Variants in NKAIN2 observed in about 807,000 individuals in gnomAD.
The protein encoded by NKAIN2 is sodium/potassium-transporting ATPase subunit beta-1-interacting protein 2.
NKAIN2 carries 14 observed loss-of-function variants against 32.6 expected under a neutral mutation model. That is an observed-to-expected ratio of 0.43 (90% CI 0.28 to 0.67). The LOEUF (loss-of-function observed/expected upper bound fraction) is 0.67, where lower values mean the gene tolerates loss of function less well. NKAIN2 is among the 30% of genes least tolerant of loss of function. The pLI is 0.17. For missense variants in NKAIN2, 198 were observed against 258.3 expected, an observed-to-expected ratio of 0.77 and a Z score of 1.60; for synonymous variants, 80 against 87.2, an observed-to-expected ratio of 0.92 and a Z score of 0.46.
At chr6:123,982,048 C>A (rs1366230650) in intron 1 of NKAIN2, among the ~76,000 whole-genome samples, 2 of 151,992 alleles carry the variant, frequency 1.3e-5, no homozygotes, top group Admixed American at 1.3e-4. Flanking sequence ...TTAAGTCTAG[C>A]AAAAATATTA....
intron 3 of NKAIN2, among the ~76,000 whole-genome samples, chr6:124,487,599 T>C (rs929322266): frequency 2.0e-5 from 3 of 152,146 alleles, no homozygotes; most frequent in African/African-American, 7.2e-5. Flanking sequence ...ACAGCTGTAA[T>C]TGTTAGTAAC....
At chr6:124,533,196 C>A (rs1001404705) in intron 3 of NKAIN2, among the ~76,000 whole-genome samples, 3 of 152,012 alleles carry the variant, frequency 2.0e-5, no homozygotes, top group Non-Finnish European at 4.4e-5. Context: ...GAGGCAGGAG[C>A]CTCCTACTCT....
At chr6:124,418,329 A>G (rs938429373) in intron 3 of NKAIN2, among the ~76,000 whole-genome samples, 1 of 152,058 alleles carries the variant, frequency 6.6e-6, no homozygotes, top group African/African-American at 2.4e-5. Context: ...TGAACACAAA[A>G]TAATATTTTG....
At chr6:123,904,978 A>C (rs1582751164) in intron 1 of NKAIN2, among the ~76,000 whole-genome samples, 1 of 152,228 alleles carries the variant, frequency 6.6e-6, no homozygotes, top group East Asian at 1.9e-4. Context: ...CTGTTCATTT[A>C]TAGGTGAATA....
At chr6:124,127,406 C>T (rs1786227118) in intron 1 of NKAIN2, among the ~76,000 whole-genome samples, 1 of 152,142 alleles carries the variant, frequency 6.6e-6, no homozygotes, top group Non-Finnish European at 1.5e-5. Context: ...ATGGCCTTGA[C>T]TTTGAGGCCT....
chr6:124,665,007 G>T (rs1023008639), intron 4 of NKAIN2, among the ~76,000 whole-genome samples: 2 of 151,814 alleles, frequency 1.3e-5, no homozygotes, highest in Non-Finnish European at 2.9e-5. Context: ...AAATGTAGTA[G>T]GTCCCTTTAA....
Position 124,823,475 on chromosome 6 carries a change from CT to C in NKAIN2, c.*248del, listed in dbSNP as rs1388341141. On this transcript the variant is annotated 3_prime_UTR_variant, in exon 7 of 7. Coordinates refer to ENST00000368417, the MANE Select transcript of NKAIN2 (RefSeq NM_001040214.3). ...AGACAAATATGCAGGACACGCCCAT[CT>C]TGGATTTCCTGAAAGCAGGCCCCTT... 2 of 450,306 alleles carry C rather than the reference CT, an allele frequency of 4.4e-6. No individual in the cohort carries two copies. The highest frequency in any genetic ancestry group is 7.9e-6 in the Non-Finnish European group (2 of 251,832). The allele number at this position is 450,306 out of a possible 1,614,324, so 27.9% of individuals were successfully genotyped here. A position where few individuals can be genotyped will look rare whatever the true frequency, so the allele number is the denominator to read the frequency against.
chr6:124,607,308 G>A (rs1170579824), intron 3 of NKAIN2, among the ~76,000 whole-genome samples: 1 of 151,964 alleles, frequency 6.6e-6, no homozygotes, highest in Non-Finnish European at 1.5e-5. Context: ...TTCATGGATT[G>A]GGCAGCATCA....
At chr6:124,306,916 G>T (rs1796526309) in intron 2 of NKAIN2, among the ~76,000 whole-genome samples, 1 of 152,070 alleles carries the variant, frequency 6.6e-6, no homozygotes, top group South Asian at 2.1e-4. Context: ...CTTTCATTAA[G>T]AAAACGAGCT....
chr6:124,027,226 G>A (rs543385208), intron 1 of NKAIN2, among the ~76,000 whole-genome samples: 13 of 149,440 alleles, frequency 8.7e-5, no homozygotes, highest in Admixed American at 6.8e-4. Context: ...TGCAACCTCC[G>A]CCTCCCGGGT....
intron 4 of NKAIN2, among the ~76,000 whole-genome samples, chr6:124,790,821 T>C (rs1210611488): frequency 6.6e-6 from 1 of 152,092 alleles, no homozygotes; most frequent in Admixed American, 6.6e-5. Flanking sequence ...CTCTGTAACA[T>C]ATTGTCTTAA....
At chr6:124,620,224 T>C (rs775323726) in intron 3 of NKAIN2, among the ~76,000 whole-genome samples, 1 of 152,164 alleles carries the variant, frequency 6.6e-6, no homozygotes, top group Non-Finnish European at 1.5e-5. Flanking sequence ...TATTGCACCA[T>C]CTTTACTCTT....
intron 4 of NKAIN2, among the ~76,000 whole-genome samples, chr6:124,666,471 G>A (rs1361815029): frequency 6.6e-6 from 1 of 152,104 alleles, no homozygotes; most frequent in African/African-American, 2.4e-5. Context: ...GAAGTAAGTT[G>A]TTGTTACTTC....
intron 1 of NKAIN2, among the ~76,000 whole-genome samples, chr6:123,955,033 G>C (rs1777501832): frequency 6.6e-6 from 1 of 151,956 alleles, no homozygotes; most frequent in Non-Finnish European, 1.5e-5. Context: ...GGTAAAAAGA[G>C]AGAAATAGGG....
At chr6:123,916,383 G>A (rs1775497562) in intron 1 of NKAIN2, among the ~76,000 whole-genome samples, 1 of 152,034 alleles carries the variant, frequency 6.6e-6, no homozygotes, top group South Asian at 2.1e-4. Flanking sequence ...CTCCCAAGTA[G>A]GTGGGATTAA....
At chr6:124,342,517 T>C (rs1290495082) in intron 2 of NKAIN2, among the ~76,000 whole-genome samples, 2 of 151,960 alleles carry the variant, frequency 1.3e-5, no homozygotes, top group South Asian at 4.1e-4. Context: ...TGTTTTTTCT[T>C]TTATTTTCAA....
intron 3 of NKAIN2, among the ~76,000 whole-genome samples, chr6:124,486,725 C>T (rs1411444998): frequency 3.3e-5 from 5 of 152,090 alleles, no homozygotes; most frequent in Admixed American, 3.3e-4. Flanking sequence ...GGCTTCATCA[C>T]CATTCCTGTT....
At chr6:124,583,229 C>A (rs1329805983) in intron 3 of NKAIN2, among the ~76,000 whole-genome samples, 93 of 141,226 alleles carry the variant, frequency 6.6e-4, no homozygotes, top group African/African-American at 7.0e-4. Context: ...AAGACTCCAC[C>A]AAAAAAAAAA....
At chr6:123,962,619 G>A (rs986774043) in intron 1 of NKAIN2, among the ~76,000 whole-genome samples, 1 of 152,088 alleles carries the variant, frequency 6.6e-6, no homozygotes, top group Admixed American at 6.6e-5. Context: ...TTACACAGGT[G>A]TAAGGAAAAT....
Sources: gnomAD v4.1 joint callset for allele counts (sites outside exome capture counted in the v4.1 genomes callset) on GRCh38, gnomAD v4.1.1 for gene constraint, MANE v1.5 for transcripts, NCBI Gene and HGNC (gene_info 2026-07-23, HGNC 2026-07-21) for gene names.